The following ANK1 variants were observed in gnomAD, a reference collection of about 807,000 sequenced individuals.
ANK1 encodes ankyrin 1, also known as ankyrin-1.
A neutral mutation model predicts 210.4 loss-of-function variants in ANK1; 51 were observed. The ratio of observed to expected loss-of-function variants is 0.24; its 90% CI spans 0.19 to 0.31. The LOEUF is 0.31. Ranked by LOEUF, ANK1 falls within the 10% of genes least tolerant of loss-of-function variation. ANK1 has a pLI of 1.00. For synonymous variants in ANK1, 967 were observed against 1,025.9 expected, an observed-to-expected ratio of 0.94 and a Z score of 1.10; for missense variants, 2,051 against 2,504.4, an observed-to-expected ratio of 0.82 and a Z score of 3.86.
intron 1 of ANK1, among the ~76,000 whole-genome samples, chr8:41,788,637 G>A (rs1846949833): frequency 1.3e-5 from 2 of 152,166 alleles, no homozygotes; most frequent in African/African-American, 4.8e-5. Flanking sequence ...TAGCATGGTG[G>A]CGGGTACAAA....
chr8:41,786,164 C>T (rs1846341404), intron 1 of ANK1, among the ~76,000 whole-genome samples: 1 of 152,216 alleles, frequency 6.6e-6, no homozygotes, highest in Admixed American at 6.5e-5. Flanking sequence ...CTCTTAAATG[C>T]TTTTCAGAGC....
chr8:41,690,464 G>A lies in ANK1; in HGVS notation c.3984+10C>T. Reference sequence around the variant, plus strand: ...ACCCAGAGGAGAACTCAGCCAGAGGGTGCCGGCACCTTTACAGGCATGGCC... The same window carrying A: ...ACCCAGAGGAGAACTCAGCCAGAGGATGCCGGCACCTTTACAGGCATGGCC... On this transcript the variant is annotated intron_variant, in intron 32 of 42. Coordinates refer to ENST00000289734, the MANE Select transcript of ANK1 (RefSeq NM_000037.4). The A allele has an allele frequency of 6.2e-7, 1 of 1,614,210 alleles. No homozygotes were observed. The highest frequency in any genetic ancestry group is 1.1e-5 in the South Asian group (1 of 91,078).
At chr8:41,674,390 C>G (rs1813499153) in intron 37 of ANK1, among the ~76,000 whole-genome samples, 1 of 152,244 alleles carries the variant, frequency 6.6e-6, no homozygotes, top group African/African-American at 2.4e-5. Flanking sequence ...CCAGCTTCAG[C>G]TCCTGTTGCT....
chr8:41,801,559 G>A (rs1178638666), upstream of ANK1, among the ~76,000 whole-genome samples: 1 of 152,192 alleles, frequency 6.6e-6, no homozygotes, highest in Non-Finnish European at 1.5e-5. Context: ...TGTCAATCTG[G>A]TTGGTATAAA....
In ANK1 at chr8:41,684,577, G is replaced by C. The variant is rs745317361; in HGVS notation, c.4504C>G (p.Arg1502Gly). 1 of 1,613,808 alleles carries C rather than the reference G, an allele frequency of 6.2e-7. No individual in the cohort carries two copies. The highest frequency in any genetic ancestry group is 8.5e-7 in the Non-Finnish European group (1 of 1,180,044). Residue 1502 changes from arginine (R) to glycine (G), a missense_variant, in exon 37 of 43, where the codon CGC becomes GGC. By Grantham distance (125) the Arg-to-Gly change is moderately radical (BLOSUM62 -2). Transcript: ENST00000289734. The stretch of plus-strand genomic sequence containing the variant: ...TGGGAGGGTGACAGCGAGTAGTCGC[G>C]GTCGGTGTGCCGCCTGTCTGGCTTC... ...NLKPDRRHTDRDYSLSPSQMN... is the reference protein window; with the variant it reads ...NLKPDRRHTDGDYSLSPSQMN...
At chr8:41,774,740 T>C (rs1843645680) in intron 1 of ANK1, among the ~76,000 whole-genome samples, 1 of 152,220 alleles carries the variant, frequency 6.6e-6, no homozygotes, top group East Asian at 1.9e-4. Context: ...TGCACCCGCA[T>C]CACCAAGCAC....
At chr8:41,678,432 G>A (rs541610245) in intron 37 of ANK1, among the ~76,000 whole-genome samples, 1 of 152,268 alleles carries the variant, frequency 6.6e-6, no homozygotes, top group South Asian at 2.1e-4. Context: ...ATAAGCCACT[G>A]TGCCCAGCCC....
intron 39 of ANK1, chr8:41,665,549 A>T: frequency 3.1e-6 from 1 of 319,456 alleles, no homozygotes; most frequent in Admixed American, 4.5e-5. Flanking sequence ...AAAATAATAC[A>T]GTCCGAGAAA....
At chr8:41,892,919 T>C (rs764065897) in intron 1 of ANK1, among the ~76,000 whole-genome samples, 1 of 152,156 alleles carries the variant, frequency 6.6e-6, no homozygotes, top group South Asian at 2.1e-4. Context: ...GACGATGAAG[T>C]AGGTGAACAT....
chr8:41,788,394 G>A (rs1451013278), intron 1 of ANK1, among the ~76,000 whole-genome samples: 1 of 152,132 alleles, frequency 6.6e-6, no homozygotes, highest in African/African-American at 2.4e-5. Flanking sequence ...CACCTGTGAG[G>A]TGCATTAAGT....
intron 1 of ANK1, among the ~76,000 whole-genome samples, chr8:41,871,014 C>A (rs557787199): frequency 6.6e-6 from 1 of 152,328 alleles, no homozygotes; most frequent in South Asian, 2.1e-4. Flanking sequence ...GCCCTTTCCT[C>A]AGGGCTGGCC....
rs142321765 is a variant in ANK1 at position 41,838,538 on chromosome 8, G to A, written c.126+57817C>T. ...TGCAGCACTTTGGGAGGCCGAGGCC[G>A]GCGGATCACCTGAGGTCAGGAGTTG... On this transcript the variant is annotated intron_variant, in intron 1 of 42. Transcript: ENST00000265709. Among the ~76,000 whole-genome samples the A allele has an allele frequency of 8.2e-4, 125 of 152,252 alleles. 1 individual carries two copies. Among genetic ancestry groups the A allele is most frequent in the African/African-American group, 2.9e-3 (119 of 41,542 alleles).
chr8:41,791,126 C>T lies in ANK1; in HGVS notation c.27+6386G>A, dbSNP rs116752377. Among the ~76,000 whole-genome samples the T allele has an allele frequency of 8.6e-3, 1,298 of 150,844 alleles. 24 individuals are homozygous for T. The highest frequency in any genetic ancestry group is 0.029 in the African/African-American group (1,198 of 41,190). On this transcript the variant is annotated intron_variant, in intron 1 of 42. Coordinates refer to ENST00000289734, the MANE Select transcript of ANK1 (RefSeq NM_000037.4). Reference sequence around the variant, plus strand: ...CATCATCACCCTCCATCAATGGCTGCGCCCCTAGGTGTGGAGAAGGGCTGG... The same window carrying T: ...CATCATCACCCTCCATCAATGGCTGTGCCCCTAGGTGTGGAGAAGGGCTGG...
Position 41,692,707 on chromosome 8 carries a change from C to A in ANK1, c.3799G>T (p.Asp1267Tyr), listed in dbSNP as rs1819616806. Residue 1267 changes from aspartate (D) to tyrosine (Y), a missense_variant, in exon 31 of 43, where the codon GAC becomes TAC. Around this residue, in one of 6 missense-constraint regions of ANK1, gnomAD observed 1,413 missense variants for 1,707.4 expected, o/e 0.83. Coordinates refer to ENST00000289734, the MANE Select transcript of ANK1 (RefSeq NM_000037.4). Reference sequence around the variant, plus strand: ...TTCTCATGCTGCTCCAGGGTCTTGTCCACTTTATCATCTGTCATGCAGTAG... The same window carrying A: ...TTCTCATGCTGCTCCAGGGTCTTGTACACTTTATCATCTGTCATGCAGTAG... ...RCYCMTDDKV[D>Y]KTLEQHENFV... The A allele has an allele frequency of 1.2e-6, 2 of 1,614,008 alleles. No homozygotes were observed. Among genetic ancestry groups the A allele is most frequent in the Non-Finnish European group, 1.7e-6 (2 of 1,180,018 alleles).
chr8:41,831,422 C>T (rs925850434), intron 1 of ANK1, among the ~76,000 whole-genome samples: 3 of 152,010 alleles, frequency 2.0e-5, no homozygotes, highest in Non-Finnish European at 2.9e-5. Flanking sequence ...CCAAGGTGGG[C>T]GGATCACTTG....
At chr8:41,665,740 G>A (rs1305756044) in intron 39 of ANK1, 2 of 162,678 alleles carry the variant, frequency 1.2e-5, no homozygotes, top group African/African-American at 4.8e-5. Context: ...GCCCAGCACA[G>A]GTGGTGGGGC....
intron 17 of ANK1, 68 bp from the exon 18 acceptor site, chr8:41,706,309 T>G: frequency 1.4e-6 from 2 of 1,431,684 alleles, no homozygotes; most frequent in South Asian, 1.2e-5. Context: ...TAAAGAGCTC[T>G]GAGGTCTGGG....
At chr8:41,686,341 C>A (rs1236669861) in intron 35 of ANK1, 58 bp from the exon 36 acceptor site, 2 of 1,609,916 alleles carry the variant, frequency 1.2e-6, no homozygotes, top group African/African-American at 2.7e-5. Context: ...AGCAGGGGGC[C>A]TCCAGCACAC....
chr8:41,698,944 G>A (rs953327646), intron 23 of ANK1, among the ~76,000 whole-genome samples: 3 of 151,920 alleles, frequency 2.0e-5, no homozygotes, highest in African/African-American at 2.4e-5. Context: ...CTACAGATGC[G>A]TGCTGCCACG....
Sources: allele counts gnomAD v4.1 joint callset (sites outside exome capture counted in the v4.1 genomes callset), GRCh38; gene constraint gnomAD v4.1.1; regional missense constraint gnomAD v4.1.1; transcripts MANE v1.5; gene names NCBI Gene and HGNC (gene_info 2026-07-23, HGNC 2026-07-21).